RRAGC: variants seen among roughly 807,000 people sequenced by gnomAD.
RRAGC encodes the protein Ras related GTP binding C.
Under a neutral mutation model 37.1 loss-of-function variants are expected in RRAGC, and 8 were observed. The observed-to-expected ratio is 0.22, with a 90% CI of 0.13 to 0.39. The LOEUF (loss-of-function observed/expected upper bound fraction) is 0.39, where lower values mean the gene tolerates loss of function less well. Among genes scored for constraint, RRAGC ranks in the 10% least tolerant of loss-of-function variants. RRAGC has a pLI of 1.00. For missense variants in RRAGC, 342 were observed against 497.6 expected (o/e 0.69, Z 2.98); for synonymous variants, 190 against 181.1 (o/e 1.05, Z -0.39).
At chr1:38,845,895 G>A (rs1476081773) in intron 6 of RRAGC, 44 bp downstream of exon 6, 2 of 1,502,476 alleles carry the variant, frequency 1.3e-6, no homozygotes, top group Non-Finnish European at 1.8e-6. Context: ...GAGAAGTTAT[G>A]GCAAAGAAAT....
At position 38,859,674 on chromosome 1, in the gene RRAGC, C is replaced by T. The variant is rs1642214139; in HGVS notation, c.-28G>A. 6.6e-7 allele frequency: 1 copy of T among 1,525,502 alleles called. No individual in the cohort carries two copies. Among genetic ancestry groups the T allele is most frequent in the South Asian group, 1.2e-5 (1 of 81,298 alleles). The allele number at this position is 1,525,502 out of a possible 1,614,324, so 94.5% of individuals were successfully genotyped here. A position where few individuals can be genotyped will look rare whatever the true frequency, so the allele number is the denominator to read the frequency against. The stretch of plus-strand genomic sequence containing the variant: ...TGCTGGAGCCGCCGCCGCCCGCGCC[C>T]TGACAGGCCAGGCCAGGCCGAGCCA... On this transcript the variant is annotated 5_prime_UTR_variant, in exon 1 of 7. Coordinates refer to ENST00000373001, the MANE Select transcript of RRAGC (RefSeq NM_022157.4).
Position 38,856,883 on chromosome 1 carries a change from G to T in RRAGC, c.437C>A (p.Ala146Glu). Residue 146 changes from alanine (A) to glutamate (E), a missense_variant, in exon 2 of 7, where the codon GCA becomes GAA. Around this residue, in one of 3 missense-constraint regions of RRAGC, gnomAD observed 134 missense variants for 277.2 expected, o/e 0.48. Transcript: ENST00000373001. ...GTGALIYVID[A>E]QDDYMEALTR... ...AGTAAACACATTACTGACTACCTGT[G>T]CGTCAATGACGTATATCAATGCTCC... 1 of 1,613,842 alleles carries T rather than the reference G, an allele frequency of 6.2e-7. No individual in the cohort carries two copies. The highest frequency in any genetic ancestry group is 8.5e-7 in the Non-Finnish European group (1 of 1,179,780).
intron 6 of RRAGC, among the ~76,000 whole-genome samples, chr1:38,840,147 C>CAAAAAAAAAAAAAAAAAAAA (rs397939319): frequency 2.2e-5 from 1 of 45,072 alleles, no homozygotes; most frequent in Non-Finnish European, 4.8e-5. Flanking sequence ...GACTCCAACT[C>CAAAAAAAAAAAAAAAAAAAA]AAAAAAAAAA....
At chr1:38,850,386 C>T (rs1247053678) in intron 5 of RRAGC, among the ~76,000 whole-genome samples, 1 of 151,766 alleles carries the variant, frequency 6.6e-6, no homozygotes, top group Non-Finnish European at 1.5e-5. Context: ...TTGTGGCGGG[C>T]ACCTGTAGTC....
intron 3 of RRAGC, among the ~76,000 whole-genome samples, chr1:38,854,253 G>T (rs1415785823): frequency 1.3e-5 from 2 of 152,066 alleles, no homozygotes; most frequent in Non-Finnish European, 2.9e-5. Context: ...ATTTTTAGTA[G>T]AGACGGAGTT....
chr1:38,845,961 C>T lies in RRAGC; in HGVS notation c.1026G>A (p.Arg342=). Residue 342 remains arginine, a synonymous_variant, in exon 6 of 7, where the codon AGG becomes AGA. Coordinates refer to ENST00000373001, the MANE Select transcript of RRAGC (RefSeq NM_022157.4). ...TKFLALVCIL[R]EESFERKGLI... is the part of the protein sequence containing the mutation. ...TACCTTTTCTTTCAAAGCTTTCTTC[C>T]CTTAGAATGCAGACCAGTGCCAAAA... 6.2e-7 allele frequency: 1 copy of T among 1,609,664 alleles called. No individual in the cohort carries two copies. Among genetic ancestry groups the T allele is most frequent in the Non-Finnish European group, 8.5e-7 (1 of 1,178,722 alleles).
intron 6 of RRAGC, among the ~76,000 whole-genome samples, chr1:38,839,915 G>T (rs1006032721): frequency 6.6e-6 from 1 of 151,932 alleles, no homozygotes; most frequent in African/African-American, 2.4e-5. Context: ...GGGAGGCCGA[G>T]GCGGGCAGAT....
At chr1:38,858,500 T>C (rs1249899535) in intron 1 of RRAGC, among the ~76,000 whole-genome samples, 1 of 152,064 alleles carries the variant, frequency 6.6e-6, no homozygotes, top group African/African-American at 2.4e-5. Flanking sequence ...CAGTTCGAGA[T>C]GACCCTGGCC....
chr1:38,848,105 T>C (rs1222652013), intron 5 of RRAGC: 2 of 151,506 alleles, frequency 1.3e-5, no homozygotes, highest in Non-Finnish European at 2.9e-5. Context: ...AAGTCAGGAC[T>C]CAAACTTAGG....
At chr1:38,848,858 G>A (rs566485394) in intron 5 of RRAGC, among the ~76,000 whole-genome samples, 4 of 152,094 alleles carry the variant, frequency 2.6e-5, no homozygotes, top group African/African-American at 9.6e-5. Context: ...AAGGCCAGCT[G>A]CAATGGTTCA....
At chr1:38,850,477 A>G (rs567370426) in intron 5 of RRAGC, among the ~76,000 whole-genome samples, 1 of 151,970 alleles carries the variant, frequency 6.6e-6, no homozygotes, top group Non-Finnish European at 1.5e-5. Flanking sequence ...TCGCGCCACC[A>G]CACTCCAGCC....
intron 5 of RRAGC, among the ~76,000 whole-genome samples, chr1:38,848,617 G>T (rs560622498): frequency 6.6e-6 from 1 of 152,110 alleles, no homozygotes; most frequent in South Asian, 2.1e-4. Flanking sequence ...TAAAGCATAA[G>T]ATCTGCTTTC....
chr1:38,859,750 G>T lies in RRAGC; in HGVS notation c.-104C>A. 3.0e-6 allele frequency: 3 copies of T among 1,001,464 alleles called. No homozygotes were observed. The highest frequency in any genetic ancestry group is 4.7e-5 in the South Asian group (1 of 21,408). The allele number at this position is 1,001,464 out of a possible 1,614,324, so 62.0% of individuals were successfully genotyped here. On this transcript the variant is annotated 5_prime_UTR_variant, in exon 1 of 7. Transcript: ENST00000373001. ...CGCCGCCGCCGCCACCACCGCCACC[G>T]CCCCCGGCAGCCGCCACAGTCCGGC...
chr1:38,850,427 T>C lies in RRAGC; in HGVS notation c.899+1188A>G, dbSNP rs12098043. On this transcript the variant is annotated intron_variant, in intron 5 of 6. Coordinates refer to ENST00000373001, the MANE Select transcript of RRAGC (RefSeq NM_022157.4). ...TACTCAGGAGGCTGAGGCAGGAAAG[T>C]GGCGTGAACCTGGGAGGTGGAGCTT... 2.9e-3 allele frequency among the ~76,000 whole-genome samples: 442 copies of C among 152,030 alleles called. 2 individuals carry two copies. Among genetic ancestry groups the C allele is most frequent in the African/African-American group, 0.01 (422 of 41,446 alleles).
At chr1:38,854,743 TAGA>T (rs1642146606) in intron 3 of RRAGC, among the ~76,000 whole-genome samples, 1 of 152,198 alleles carries the variant, frequency 6.6e-6, no homozygotes, top group Non-Finnish European at 1.5e-5. Flanking sequence ...CATGGTTTCC[TAGA>T]AGAATAACTG....
At chr1:38,840,295 A>T (rs1306779328) in intron 6 of RRAGC, among the ~76,000 whole-genome samples, 1 of 152,248 alleles carries the variant, frequency 6.6e-6, no homozygotes, top group Non-Finnish European at 1.5e-5. Context: ...CTCAATTCAC[A>T]TTCAAGAAAA....
chr1:38,852,123 T>G (rs1448609530), intron 4 of RRAGC, among the ~76,000 whole-genome samples: 1 of 152,234 alleles, frequency 6.6e-6, no homozygotes, highest in Non-Finnish European at 1.5e-5. Flanking sequence ...ATTACTTTGC[T>G]ATCAAGAAAG....
At chr1:38,850,235 G>A (rs909965822) in intron 5 of RRAGC, among the ~76,000 whole-genome samples, 25 of 151,646 alleles carry the variant, frequency 1.6e-4, no homozygotes, top group Middle Eastern at 6.8e-3. Flanking sequence ...AAAAGGCCAG[G>A]TGCGGTGGCT....
At chr1:38,847,059 GA>G (rs1172470119) in intron 5 of RRAGC, 2 of 152,174 alleles carry the variant, frequency 1.3e-5, no homozygotes, top group African/African-American at 4.8e-5. Flanking sequence ...GCAGTGAACT[GA>G]GACTGTGCCA....
Sources: allele counts gnomAD v4.1 joint callset (sites outside exome capture counted in the v4.1 genomes callset), GRCh38; gene constraint gnomAD v4.1.1; regional missense constraint gnomAD v4.1.1; transcripts MANE v1.5; gene names NCBI Gene and HGNC (gene_info 2026-07-23, HGNC 2026-07-21).